Variants in GPC6 observed in about 807,000 individuals in gnomAD.
GPC6 encodes the protein glypican-6.
Under a neutral mutation model 55.2 loss-of-function variants are expected in GPC6, and 14 were observed. That is an observed-to-expected ratio of 0.25 (90% CI 0.17 to 0.40). The LOEUF is 0.40. GPC6 is among the 10% of genes least tolerant of loss of function. The pLI, the probability that GPC6 is intolerant of heterozygous loss-of-function variation, is 1.00. For missense variants in GPC6, 641 were observed against 708.5 expected (o/e 0.90, Z 1.08); for synonymous variants, 278 against 259.6 (o/e 1.07, Z -0.68).
chr13:93,538,176 A>G (rs1274618012), intron 1 of GPC6, among the ~76,000 whole-genome samples: 2 of 152,142 alleles, frequency 1.3e-5, no homozygotes, highest in Non-Finnish European at 2.9e-5. Flanking sequence ...TTTCTGGTTC[A>G]TTGTTAAGCT....
chr13:93,350,466 TTAG>T (rs1880594858), intron 1 of GPC6, among the ~76,000 whole-genome samples: 1 of 152,128 alleles, frequency 6.6e-6, no homozygotes, highest in Admixed American at 6.6e-5. Context: ...CTTAAATGTC[TTAG>T]TAGCTATGAC....
At chr13:93,854,399 T>C (rs977602295) in intron 3 of GPC6, among the ~76,000 whole-genome samples, 2 of 151,718 alleles carry the variant, frequency 1.3e-5, no homozygotes, top group Non-Finnish European at 2.9e-5. Context: ...TTCTGCAAAA[T>C]GCTAGGGTAT....
intron 7 of GPC6, among the ~76,000 whole-genome samples, chr13:94,387,070 C>T (rs971582194): frequency 2.0e-5 from 3 of 152,146 alleles, no homozygotes; most frequent in Admixed American, 6.5e-5. Flanking sequence ...TTGATGATGA[C>T]TTCAAATAGA....
intron 1 of GPC6, among the ~76,000 whole-genome samples, chr13:93,311,100 A>G (rs1879050592): frequency 6.6e-6 from 1 of 152,176 alleles, no homozygotes; most frequent in Admixed American, 6.5e-5. Context: ...AAATTGCATT[A>G]CCCATGGCCC....
chr13:93,878,416 A>T (rs1046055732), intron 3 of GPC6, among the ~76,000 whole-genome samples: 4 of 152,030 alleles, frequency 2.6e-5, no homozygotes, highest in African/African-American at 9.7e-5. Flanking sequence ...TCGCACTGTC[A>T]TCCAGGCTGG....
chr13:93,769,428 C>T (rs1449569760), intron 2 of GPC6, among the ~76,000 whole-genome samples: 2 of 111,940 alleles, frequency 1.8e-5, no homozygotes, highest in South Asian at 3.6e-4. Flanking sequence ...GGCTGCTGCA[C>T]GTGACAAAAA....
At position 93,561,580 on chromosome 13, in the gene GPC6, T is replaced by C. The variant is rs76911982; in HGVS notation, c.319+16159T>C. Among the ~76,000 whole-genome samples the C allele has an allele frequency of 2.6e-5, 4 of 152,076 alleles. No homozygotes were observed. The East Asian group carries it at 5.8e-4, about 22-fold the overall frequency. ...CAAATATACAAGAGCCGAGCAGTTTTCTATTTGAGTATTTGTTTGCAAAAC... is the reference window on the plus strand; with the variant it reads ...CAAATATACAAGAGCCGAGCAGTTTCCTATTTGAGTATTTGTTTGCAAAAC... On this transcript the variant is annotated intron_variant, in intron 2 of 8. Coordinates refer to ENST00000377047, the MANE Select transcript of GPC6 (RefSeq NM_005708.5).
chr13:93,692,660 C>A (rs185939556), intron 2 of GPC6, among the ~76,000 whole-genome samples: 1 of 152,000 alleles, frequency 6.6e-6, no homozygotes. Context: ...ACTCTTTTTT[C>A]AGTTAAATTT....
At chr13:93,637,687 T>C (rs1375272509) in intron 2 of GPC6, among the ~76,000 whole-genome samples, 1 of 152,120 alleles carries the variant, frequency 6.6e-6, no homozygotes, top group Non-Finnish European at 1.5e-5. Context: ...AATTAAATAA[T>C]AAGGTCCTTG....
At chr13:93,356,926 G>A (rs1185370379) in intron 1 of GPC6, among the ~76,000 whole-genome samples, 1 of 152,098 alleles carries the variant, frequency 6.6e-6, no homozygotes, top group Non-Finnish European at 1.5e-5. Context: ...TGAGATCATG[G>A]GTCACCAGGC....
intron 1 of GPC6, among the ~76,000 whole-genome samples, chr13:93,340,788 TA>T (rs1256474064): frequency 1.4e-4 from 20 of 144,504 alleles, no homozygotes; most frequent in Admixed American, 3.4e-4. Context: ...GATTTATTTT[TA>T]TTTTTTTTAT....
intron 4 of GPC6, among the ~76,000 whole-genome samples, chr13:94,034,247 A>AG (rs1555289092): frequency 0.012 from 1,811 of 147,026 alleles, 32 homozygotes; most frequent in East Asian, 0.064. Context: ...GAAGGAAGGA[A>AG]GGAAAGAAAG....
intron 2 of GPC6, among the ~76,000 whole-genome samples, chr13:93,559,499 A>C (rs1875650231): frequency 6.6e-6 from 1 of 152,184 alleles, no homozygotes; most frequent in Admixed American, 6.5e-5. Flanking sequence ...GTAACAATTT[A>C]GTACACAATT....
chr13:94,300,276 G>A (rs1046878231), intron 5 of GPC6, among the ~76,000 whole-genome samples: 3 of 152,150 alleles, frequency 2.0e-5, no homozygotes, highest in Non-Finnish European at 2.9e-5. Context: ...AGATAAAGAA[G>A]ATAAAGAGGT....
chr13:94,096,836 G>T (rs1485204024), intron 4 of GPC6, among the ~76,000 whole-genome samples: 2 of 152,044 alleles, frequency 1.3e-5, no homozygotes, highest in African/African-American at 2.4e-5. Flanking sequence ...CTTCCTTCTG[G>T]TTTTTTCTCC....
intron 1 of GPC6, among the ~76,000 whole-genome samples, chr13:93,238,420 T>G (rs1876314087): frequency 2.0e-5 from 3 of 152,182 alleles, no homozygotes; most frequent in South Asian, 4.1e-4. Context: ...TTTGCATGGG[T>G]TGGCCTTGTA....
At chr13:93,360,284 C>A (rs1242050062) in intron 1 of GPC6, among the ~76,000 whole-genome samples, 1 of 152,132 alleles carries the variant, frequency 6.6e-6, no homozygotes, top group East Asian at 1.9e-4. Flanking sequence ...TGAAATATGT[C>A]TCTGCCAATC....
chr13:94,143,961 G>A (rs891420915), intron 4 of GPC6, among the ~76,000 whole-genome samples: 10 of 152,196 alleles, frequency 6.6e-5, no homozygotes, highest in African/African-American at 2.4e-4. Flanking sequence ...CGATTGTCAC[G>A]TGGTTTCAAC....
In GPC6 at chr13:93,377,693, T is replaced by C. The variant is rs76012813; in HGVS notation, c.160+150077T>C. Among the ~76,000 whole-genome samples the C allele has an allele frequency of 4.5e-4, 68 of 152,290 alleles. 1 individual carries two copies. The highest frequency in any genetic ancestry group is 6.8e-3 in the Middle Eastern group (2 of 294). On this transcript the variant is annotated intron_variant, in intron 1 of 8. Transcript: ENST00000377047. ...ATGCAAATAAATTCTTTCATGTGTA[T>C]CTCCTGATGAACACCCTGATTTTAA...
Sources: gnomAD v4.1 joint callset for allele counts (sites outside exome capture counted in the v4.1 genomes callset) on GRCh38, gnomAD v4.1.1 for gene constraint, MANE v1.5 for transcripts, NCBI Gene and HGNC (gene_info 2026-07-23, HGNC 2026-07-21) for gene names.